The following PLAAT5 variants were observed in gnomAD, a reference collection of about 807,000 sequenced individuals.
PLAAT5 encodes Ca(2+)-independent N-acyltransferase.
A neutral mutation model predicts 27.8 loss-of-function variants in PLAAT5; 27 were observed. That is an observed-to-expected ratio of 0.97 (90% confidence interval 0.72 to 1.34). PLAAT5 has a LOEUF of 1.34. PLAAT5 is among the 40% of genes most tolerant of loss of function. The pLI, the probability that PLAAT5 is intolerant of heterozygous loss-of-function variation, is 0.00. For synonymous variants in PLAAT5, 125 were observed against 136.1 expected (o/e 0.92, Z 0.57); for missense variants, 368 against 343.8 (o/e 1.07, Z -0.56).
chr11:63,478,270 G>A (rs936259564), intron 3 of PLAAT5, among the ~76,000 whole-genome samples: 6 of 151,754 alleles, frequency 4.0e-5, no homozygotes, highest in Non-Finnish European at 5.9e-5. Flanking sequence ...AGGTGAAGGG[G>A]CAATGCTAAA....
chr11:63,482,222 G>C (rs950840208), intron 3 of PLAAT5, among the ~76,000 whole-genome samples: 4 of 152,044 alleles, frequency 2.6e-5, no homozygotes, highest in African/African-American at 4.8e-5. Flanking sequence ...AAATTTCCCT[G>C]GCCTTACCAC....
At position 63,468,439 on chromosome 11, in the gene PLAAT5, G is replaced by T. The variant is rs1354036144; in HGVS notation, c.372C>A (p.Asp124Glu). 4 of 1,613,902 alleles carry T rather than the reference G, an allele frequency of 2.5e-6. No homozygotes were observed. In the African/African-American group the frequency reaches 4.0e-5, roughly 16 times the overall value. The change falls in exon 4 of 6, where the codon GAC (aspartate) becomes GAA (glutamate). Residue 124 changes from aspartate (D) to glutamate (E), a missense_variant. Coordinates refer to ENST00000540857, the MANE Select transcript of PLAAT5 (RefSeq NM_001146729.2). ...AGCCAATTCGAAAAATCTCAATCAG[G>T]TCTCCAGGTCTGGGTCTTGGTTTTC... The part of the protein sequence containing the change: ...AEGKPRPRPG[D>E]LIEIFRIGYE...
At chr11:63,475,763 A>C (rs1305944221) in intron 3 of PLAAT5, among the ~76,000 whole-genome samples, 2 of 151,874 alleles carry the variant, frequency 1.3e-5, no homozygotes, top group African/African-American at 4.8e-5. Flanking sequence ...TTAACTTTTT[A>C]ATAACATTTT....
chr11:63,488,838 G>T (rs775578605), intron 3 of PLAAT5, 33 bp downstream of exon 3: 5 of 1,452,330 alleles, frequency 3.4e-6, no homozygotes, highest in Non-Finnish European at 4.8e-6. Context: ...GGAGGTTAAA[G>T]ATAGTCACTT....
chr11:63,490,850 TTG>T, intron 1 of PLAAT5, 35 bp downstream of exon 1: 1 of 1,568,794 alleles, frequency 6.4e-7, no homozygotes, highest in Non-Finnish European at 8.6e-7. Flanking sequence ...TGAAGGACAA[TTG>T]CGGATTGTCC....
Position 63,463,587 on chromosome 11 carries a change from G to A in PLAAT5, c.726C>T (p.His242=), listed in dbSNP as rs757326113. The A allele has an allele frequency of 1.7e-5, 27 of 1,613,228 alleles. No individual in the cohort carries two copies. The East Asian group carries it at 2.2e-4, about 13-fold the overall frequency. ...YGVPRSQQVE[H]ALMEGAKAAG... ...CAGCCTTCGCTCCTTCCATCAGGGCGTGCTCTACCTGCAAAGCACATCAGT... is the reference window on the plus strand; with the variant it reads ...CAGCCTTCGCTCCTTCCATCAGGGCATGCTCTACCTGCAAAGCACATCAGT... Residue 242 remains histidine (H), a synonymous_variant, in exon 6 of 6, where the codon CAC becomes CAT. Transcript: ENST00000540857.
rs919956324 is a variant in PLAAT5, at chr11:63,491,083, C to T, written c.-49G>A. ...CCCCAGGCCTTGCAGGGGACTACGC[C>T]CCTGGCGAGTTCCCAGTCGGCGCGG... On this transcript the variant is annotated 5_prime_UTR_variant, in exon 1 of 6. Coordinates refer to ENST00000540857, the MANE Select transcript of PLAAT5 (RefSeq NM_001146729.2). The T allele has an allele frequency of 7.5e-7, 1 of 1,327,916 alleles. No homozygotes were observed. The highest frequency in any genetic ancestry group is 9.7e-7 in the Non-Finnish European group (1 of 1,033,948). The allele number at this position is 1,327,916 out of a possible 1,614,324, so 82.3% of individuals were successfully genotyped here.
At position 63,473,677 on chromosome 11, in the gene PLAAT5, TTACTC is replaced by T. The variant is rs1252222907; in HGVS notation, c.346-5217_346-5213del. 5.3e-5 allele frequency among the ~76,000 whole-genome samples: 8 copies of T among 152,104 alleles called. No individual in the cohort carries two copies. The South Asian group carries it at 1.0e-3, about 20-fold the overall frequency. ...GAGATGATCATATGATTTTTGTCCTTTACTCTATTAACATGATATTTTTTTGTTGT... is the reference window on the plus strand; with the variant it reads ...GAGATGATCATATGATTTTTGTCCTTTATTAACATGATATTTTTTTGTTGT... On this transcript the variant is annotated intron_variant, in intron 3 of 5. Transcript: ENST00000540857.
intron 4 of PLAAT5, among the ~76,000 whole-genome samples, 189 bp from the exon 5 acceptor site, chr11:63,466,561 C>G (rs956906966): frequency 6.6e-6 from 1 of 152,112 alleles, no homozygotes; most frequent in African/African-American, 2.4e-5. Flanking sequence ...CTTTGCCCTG[C>G]GCCTCACTCC....
intron 3 of PLAAT5, among the ~76,000 whole-genome samples, chr11:63,480,086 G>T (rs769823068): frequency 6.6e-6 from 1 of 152,114 alleles, no homozygotes; most frequent in Admixed American, 6.5e-5. Flanking sequence ...CCAGCTGGAC[G>T]GTCACGTCTG....
intron 3 of PLAAT5, among the ~76,000 whole-genome samples, chr11:63,486,362 C>T (rs1435235325): frequency 6.6e-6 from 1 of 151,980 alleles, no homozygotes; most frequent in Admixed American, 6.5e-5. Flanking sequence ...TTCACAACTG[C>T]AAAAATATGG....
intron 3 of PLAAT5, among the ~76,000 whole-genome samples, chr11:63,481,826 T>C (rs2016292656): frequency 6.6e-6 from 1 of 152,116 alleles, no homozygotes; most frequent in African/African-American, 2.4e-5. Flanking sequence ...AAACACCGCA[T>C]GTTCTCACTC....
At chr11:63,486,642 AC>A (rs2016441120) in intron 3 of PLAAT5, among the ~76,000 whole-genome samples, 1 of 152,140 alleles carries the variant, frequency 6.6e-6, no homozygotes, top group Non-Finnish European at 1.5e-5. Context: ...GATGTAATCA[AC>A]TTTAGGGACT....
intron 3 of PLAAT5, chr11:63,470,285 CT>C: frequency 6.2e-6 from 1 of 160,490 alleles, no homozygotes. Flanking sequence ...GTGACAAAGC[CT>C]TTTAAGTGCA....
intron 1 of PLAAT5, 126 bp downstream of exon 1, chr11:63,490,761 G>A: frequency 1.1e-6 from 1 of 904,654 alleles, no homozygotes; most frequent in East Asian, 2.8e-5. Flanking sequence ...TGAAATACTC[G>A]CTCATGATGG....
Position 63,491,071 on chromosome 11 carries a change from AG to A in PLAAT5, c.-38del. 7.1e-7 allele frequency: 1 copy of A among 1,405,514 alleles called. No individual in the cohort carries two copies. Among genetic ancestry groups the A allele is most frequent in the Non-Finnish European group, 9.2e-7 (1 of 1,081,818 alleles). 87.1% of individuals were successfully genotyped at this position (1,405,514 alleles called of 1,614,324 possible). A position where few individuals can be genotyped will look rare whatever the true frequency, so the allele number is the denominator to read the frequency against. ...GGCCTCGCCGGCCCCCAGGCCTTGCAGGGGACTACGCCCCTGGCGAGTTCCC... is the reference window on the plus strand; with the variant it reads ...GGCCTCGCCGGCCCCCAGGCCTTGCAGGGACTACGCCCCTGGCGAGTTCCC... On this transcript the variant is annotated 5_prime_UTR_variant, in exon 1 of 6. Transcript: ENST00000540857.
At chr11:63,490,667 G>A in intron 1 of PLAAT5, 1 of 614,072 alleles carries the variant, frequency 1.6e-6, no homozygotes, top group Non-Finnish European at 2.8e-6. Flanking sequence ...TGCCACCACT[G>A]CCTCACTTCC....
intron 2 of PLAAT5, among the ~76,000 whole-genome samples, chr11:63,489,202 T>G (rs1017570804): frequency 1.3e-5 from 2 of 152,220 alleles, no homozygotes; most frequent in African/African-American, 4.8e-5. Context: ...GAAGCAGTTT[T>G]GGGGGTTTTT....
Position 63,491,020 on chromosome 11 carries a change from C to T in PLAAT5, c.15G>A (p.Pro5=). 1.3e-6 allele frequency: 2 copies of T among 1,500,016 alleles called. No homozygotes were observed. Among genetic ancestry groups the T allele is most frequent in the Non-Finnish European group, 1.8e-6 (2 of 1,124,418 alleles). The allele number at this position is 1,500,016 out of a possible 1,614,324, so 92.9% of individuals were successfully genotyped here. A position where few individuals can be genotyped will look rare whatever the true frequency, so the allele number is the denominator to read the frequency against. ...GGAGCGCGTACTCCCCCTCGGCGCC[C>T]GGGCTCAGGCCCATCCCGCCTCTGC... MGLS[P]GAEGEYALRL... Residue 5 remains proline (P), a synonymous_variant, in exon 1 of 6, where the codon CCG becomes CCA. Transcript: ENST00000540857.
Sources: gnomAD v4.1 joint callset for allele counts (sites outside exome capture counted in the v4.1 genomes callset) on GRCh38, gnomAD v4.1.1 for gene constraint, MANE v1.5 for transcripts, NCBI Gene and HGNC (gene_info 2026-07-23, HGNC 2026-07-21) for gene names.